The following TDRD3 variants were observed in gnomAD, a reference collection of about 807,000 sequenced individuals.
The protein encoded by TDRD3 is tudor domain containing 3, also known as tudor domain-containing protein 3.
A neutral mutation model predicts 86.7 loss-of-function variants in TDRD3; 45 were observed. The observed-to-expected ratio is 0.52, with a 90% CI of 0.41 to 0.67. The LOEUF is 0.67. Ranked by LOEUF, TDRD3 falls within the 30% of genes least tolerant of loss-of-function variation. The pLI is 0.00. For synonymous variants in TDRD3, 298 were observed against 301.7 expected (o/e 0.99, Z 0.13); for missense variants, 814 against 889.0 (o/e 0.92, Z 1.07).
At chr13:60,467,050 C>T (rs1325822389) in intron 4 of TDRD3, among the ~76,000 whole-genome samples, 188 bp from the exon 5 acceptor site, 1 of 151,892 alleles carries the variant, frequency 6.6e-6, no homozygotes, top group Non-Finnish European at 1.5e-5. Flanking sequence ...TGATATGTGC[C>T]ATGGTGGTTT....
intron 10 of TDRD3, among the ~76,000 whole-genome samples, chr13:60,513,383 T>G (rs1957100618): frequency 6.6e-6 from 1 of 152,216 alleles, no homozygotes; most frequent in Non-Finnish European, 1.5e-5. Flanking sequence ...CCCATTGTCT[T>G]GGGGATTAAC....
upstream of TDRD3, chr13:60,397,160 G>A: frequency 2.5e-6 from 1 of 401,416 alleles, no homozygotes; most frequent in Non-Finnish European, 4.4e-6. Flanking sequence ...CACCAGGCCG[G>A]CCCCTACGGC....
At chr13:60,459,108 A>C (rs983383983) in intron 3 of TDRD3, among the ~76,000 whole-genome samples, 2 of 152,168 alleles carry the variant, frequency 1.3e-5, no homozygotes, top group Non-Finnish European at 2.9e-5. Context: ...TAACAAAATT[A>C]CTCCTTTTTT....
chr13:60,458,972 G>A (rs1955740955), intron 3 of TDRD3, among the ~76,000 whole-genome samples: 1 of 152,134 alleles, frequency 6.6e-6, no homozygotes, highest in Non-Finnish European at 1.5e-5. Flanking sequence ...TCCTGAATTA[G>A]CAGCTTATCT....
intron 10 of TDRD3, among the ~76,000 whole-genome samples, chr13:60,511,408 A>G (rs1210239425): frequency 6.6e-6 from 1 of 152,212 alleles, no homozygotes; most frequent in Non-Finnish European, 1.5e-5. Flanking sequence ...AAATGTTCAG[A>G]TTTCATAAAA....
chr13:60,485,721 A>C (rs762814262), intron 6 of TDRD3, 78 bp from the exon 7 acceptor site: 3 of 1,136,528 alleles, frequency 2.6e-6, no homozygotes, highest in Non-Finnish European at 3.5e-6. Flanking sequence ...GATACTTTTG[A>C]AGAAGTATTA....
intron 12 of TDRD3, among the ~76,000 whole-genome samples, chr13:60,541,868 C>T (rs1034390167): frequency 2.0e-5 from 3 of 151,806 alleles, no homozygotes; most frequent in Non-Finnish European, 2.9e-5. Flanking sequence ...GCTAGGATTA[C>T]AGGCATGGGC....
chr13:60,460,377 C>T lies in TDRD3; in HGVS notation c.193-3C>T. 1 of 1,590,906 alleles carries T rather than the reference C, an allele frequency of 6.3e-7. No homozygotes were observed. Among genetic ancestry groups the T allele is most frequent in the South Asian group, 1.2e-5 (1 of 85,910 alleles). ...TGATTTTTATTCTTTTCTGTTTTGA[C>T]AGCTCGAAGGTCCATGTGTTTTGCA... On this transcript the variant is annotated splice_polypyrimidine_tract_variant and splice_region_variant and intron_variant, in intron 3 of 13. Coordinates refer to ENST00000377881, the MANE Select transcript of TDRD3 (RefSeq NM_001146070.2).
At chr13:60,532,516 G>A (rs1049227906) in intron 11 of TDRD3, among the ~76,000 whole-genome samples, 1 of 152,190 alleles carries the variant, frequency 6.6e-6, no homozygotes, top group African/African-American at 2.4e-5. Flanking sequence ...GCAGAGACAA[G>A]GGTAGACATT....
chr13:60,536,286 A>G (rs932773866), intron 12 of TDRD3: 3 of 152,092 alleles, frequency 2.0e-5, no homozygotes, highest in Non-Finnish European at 4.4e-5. Flanking sequence ...TTTTCTAAAT[A>G]ATTTATTATT....
chr13:60,472,582 A>G (rs1209328900), intron 5 of TDRD3, among the ~76,000 whole-genome samples: 2 of 152,234 alleles, frequency 1.3e-5, no homozygotes, highest in Non-Finnish European at 2.9e-5. Context: ...ATAAAATGGC[A>G]TAGTTGCTAC....
Position 60,397,362 on chromosome 13 carries a change from A to G in TDRD3, c.-3A>G. The G allele has an allele frequency of 1.3e-6, 2 of 1,485,982 alleles. No homozygotes were observed. The highest frequency in any genetic ancestry group is 2.1e-5 in the Admixed American group (1 of 47,466). The allele number at this position is 1,485,982 out of a possible 1,614,324, so 92.0% of individuals were successfully genotyped here. ...CCCACCACCCCCGGCCTAAGCAGCT[A>G]CCATGGCCCAGGTGGCCGGCGCGGC... On this transcript the variant is annotated 5_prime_UTR_variant, in exon 1 of 14. Transcript: ENST00000377881.
At chr13:60,406,126 A>AC (rs1483703399) in intron 1 of TDRD3, among the ~76,000 whole-genome samples, 1 of 152,162 alleles carries the variant, frequency 6.6e-6, no homozygotes, top group Non-Finnish European at 1.5e-5. Flanking sequence ...CTAAAATAAG[A>AC]TGTTAGGCAT....
At chr13:60,541,004 G>T (rs1016532499) in intron 12 of TDRD3, among the ~76,000 whole-genome samples, 4 of 151,992 alleles carry the variant, frequency 2.6e-5, no homozygotes, top group Non-Finnish European at 5.9e-5. Flanking sequence ...AATAATTTAA[G>T]CCTCAAATTA....
At chr13:60,500,571 G>A (rs1435186957) in intron 8 of TDRD3, among the ~76,000 whole-genome samples, 1 of 152,144 alleles carries the variant, frequency 6.6e-6, no homozygotes, top group Non-Finnish European at 1.5e-5. Context: ...TAGCAGTGAA[G>A]GGTAATCTTC....
chr13:60,494,029 A>G (rs137911915), intron 7 of TDRD3, among the ~76,000 whole-genome samples: 30 of 152,330 alleles, frequency 2.0e-4, no homozygotes, highest in African/African-American at 6.7e-4. Flanking sequence ...ATACTGAACT[A>G]TGGACATAAT....
intron 5 of TDRD3, among the ~76,000 whole-genome samples, chr13:60,481,321 A>T (rs1372427014): frequency 2.1e-5 from 3 of 145,722 alleles, no homozygotes; most frequent in African/African-American, 7.5e-5. Context: ...TTATTTCTTC[A>T]TATGTATTTT....
At chr13:60,519,268 G>A (rs1443821097) in intron 10 of TDRD3, among the ~76,000 whole-genome samples, 1 of 152,084 alleles carries the variant, frequency 6.6e-6, no homozygotes, top group Non-Finnish European at 1.5e-5. Context: ...TATGCTAGGT[G>A]CTTTGCATAC....
At chr13:60,563,915 C>T (rs977126711) in intron 12 of TDRD3, among the ~76,000 whole-genome samples, 1 of 152,198 alleles carries the variant, frequency 6.6e-6, no homozygotes, top group Non-Finnish European at 1.5e-5. Flanking sequence ...GCAGGAAAAA[C>T]GCAGTTGTAA....
Sources: gnomAD v4.1 joint callset for allele counts (sites outside exome capture counted in the v4.1 genomes callset) on GRCh38, gnomAD v4.1.1 for gene constraint, MANE v1.5 for transcripts, NCBI Gene and HGNC (gene_info 2026-07-23, HGNC 2026-07-21) for gene names.